The following MYH11 variants were observed in gnomAD, a reference collection of about 807,000 sequenced individuals.
MYH11 encodes myosin-11.
MYH11 carries 80 observed loss-of-function variants against 246.6 expected under a neutral mutation model. The ratio of observed to expected loss-of-function variants is 0.32; its 90% CI spans 0.27 to 0.39. The LOEUF is 0.39. MYH11 is among the 10% of genes least tolerant of loss of function. The probability of loss-of-function intolerance (pLI) is 1.00; values close to 1 mark genes in which losing one functional copy is unlikely to be tolerated. For synonymous variants in MYH11, 1,071 were observed against 1,015.5 expected (o/e 1.05, Z -1.04); for missense variants, 2,158 against 2,546.8 (o/e 0.85, Z 3.29).
chr16:15,769,795 AT>A (rs2042059061), intron 9 of MYH11, among the ~76,000 whole-genome samples: 1 of 152,144 alleles, frequency 6.6e-6, no homozygotes, highest in Non-Finnish European at 1.5e-5. Flanking sequence ...CCCTCTATTA[AT>A]CAACCTATTT....
rs372942424 is a variant in MYH11 at position 15,816,415 on chromosome 16, GA to G, written c.502+6839del. The stretch of plus-strand genomic sequence containing the variant: ...TAAATACATGGAAAACAAGATTGGG[GA>G]AAAAAAAGGCAATTGCTAACTCCAG... On this transcript the variant is annotated intron_variant, in intron 3 of 40. Coordinates refer to ENST00000300036, the MANE Select transcript of MYH11 (RefSeq NM_002474.3). 1.8e-3 allele frequency among the ~76,000 whole-genome samples: 269 copies of G among 150,910 alleles called. 1 individual carries two copies. Among genetic ancestry groups the G allele is most frequent in the East Asian group, 0.017 (85 of 5,146 alleles).
chr16:15,814,343 G>T (rs1039995436), intron 3 of MYH11, among the ~76,000 whole-genome samples: 2 of 151,384 alleles, frequency 1.3e-5, no homozygotes, highest in African/African-American at 4.9e-5. Context: ...ACCTAAGGTC[G>T]GGAGTTCAAG....
At chr16:15,747,310 G>T (rs1404630289) in intron 19 of MYH11, among the ~76,000 whole-genome samples, 1 of 152,160 alleles carries the variant, frequency 6.6e-6, no homozygotes, top group Non-Finnish European at 1.5e-5. Flanking sequence ...CAGAGAGGTA[G>T]AGTAACTTGC....
chr16:15,713,349 T>C (rs2039928478), intron 40 of MYH11: 1 of 151,736 alleles, frequency 6.6e-6, no homozygotes, highest in African/African-American at 2.4e-5. Flanking sequence ...TTGAGTTAAG[T>C]AGGAAGTAAG....
intron 3 of MYH11, among the ~76,000 whole-genome samples, chr16:15,798,917 G>A (rs1343581887): frequency 1.3e-4 from 20 of 152,144 alleles, no homozygotes; most frequent in Admixed American, 1.2e-3. Flanking sequence ...GCTGGAGCCT[G>A]ACTGATCCAG....
At chr16:15,852,575 G>A (rs2044358282) in intron 1 of MYH11, among the ~76,000 whole-genome samples, 1 of 152,038 alleles carries the variant, frequency 6.6e-6, no homozygotes, top group Non-Finnish European at 1.5e-5. Flanking sequence ...CTGACCTCAG[G>A]TGACCCACCT....
At chr16:15,795,303 T>TCAA (rs1387372283) in intron 4 of MYH11, among the ~76,000 whole-genome samples, 1 of 144,968 alleles carries the variant, frequency 6.9e-6, no homozygotes, top group Non-Finnish European at 1.5e-5. Flanking sequence ...AACAAAAAAA[T>TCAA]CAACAACAAC....
At chr16:15,757,781 C>A (rs368998632) in intron 13 of MYH11, 46 bp downstream of exon 13, 1 of 1,613,102 alleles carries the variant, frequency 6.2e-7, no homozygotes, top group Non-Finnish European at 8.5e-7. Context: ...AGGCCACACA[C>A]GTGTACAAGG....
chr16:15,704,193 C>G, intron 40 of MYH11, 70 bp from the exon 41 acceptor site: 4 of 1,584,360 alleles, frequency 2.5e-6, no homozygotes, highest in Non-Finnish European at 3.5e-6. Context: ...TTTTATAAAT[C>G]TATTTTAAAC....
At chr16:15,847,313 T>C (rs2044218555) in intron 1 of MYH11, among the ~76,000 whole-genome samples, 1 of 147,678 alleles carries the variant, frequency 6.8e-6, no homozygotes. Context: ...TGCAGTGGCA[T>C]GACCTCAGCT....
At chr16:15,730,778 A>G (rs1292517700) in intron 27 of MYH11, among the ~76,000 whole-genome samples, 1 of 152,166 alleles carries the variant, frequency 6.6e-6, no homozygotes, top group Non-Finnish European at 1.5e-5. Flanking sequence ...TCGCAAGCTA[A>G]AAAACTTACC....
intron 34 of MYH11, 135 bp from the exon 35 acceptor site, chr16:15,719,848 G>T: frequency 7.6e-7 from 1 of 1,317,424 alleles, no homozygotes; most frequent in Non-Finnish European, 1.1e-6. Context: ...CACGAGCATG[G>T]CTCTCAGTTC....
At chr16:15,817,956 C>T (rs1470196255) in intron 3 of MYH11, among the ~76,000 whole-genome samples, 1 of 152,208 alleles carries the variant, frequency 6.6e-6, no homozygotes, top group East Asian at 1.9e-4. Context: ...ATAAATAACT[C>T]TAATAATTCA....
chr16:15,834,046 T>G (rs2151377680), intron 2 of MYH11, among the ~76,000 whole-genome samples: 1 of 152,312 alleles, frequency 6.6e-6, no homozygotes, highest in Non-Finnish European at 1.5e-5. Context: ...CAGAAGATAT[T>G]TTGGGTCTCA....
At chr16:15,807,590 G>A (rs2043042617) in intron 3 of MYH11, among the ~76,000 whole-genome samples, 1 of 152,096 alleles carries the variant, frequency 6.6e-6, no homozygotes, top group Admixed American at 6.5e-5. Context: ...AGTGGGCGGG[G>A]ACACAGTACC....
rs2041457179 is a variant in MYH11 at position 15,747,727 on chromosome 16, T to C, written c.2254A>G (p.Lys752Glu). ...DGKQACILMI[K>E]ALELDPNLYR... ...AAGTTGGGGTCAAGTTCCAGGGCTT[T>C]GATCTGCAAAAGGAAGGAAAGGAAG... is the stretch of plus-strand genomic sequence containing the variant. Residue 752 changes from lysine (K) to glutamate (E), a missense_variant, in exon 19 of 41, where the codon AAA becomes GAA. Coordinates refer to ENST00000300036, the MANE Select transcript of MYH11 (RefSeq NM_002474.3). The C allele has an allele frequency of 6.2e-7, 1 of 1,614,010 alleles. No individual in the cohort carries two copies. The highest frequency in any genetic ancestry group is 1.7e-5 in the Admixed American group (1 of 59,994).
rs768381393 is a variant in MYH11, at chr16:15,837,917, C to T, written c.336G>A (p.Gly112=). Residue 112 remains glycine (G), a synonymous_variant, in exon 2 of 41, where the codon GGG becomes GGA. Coordinates refer to ENST00000300036, the MANE Select transcript of MYH11 (RefSeq NM_002474.3). ...LHNLRERYFS[G]LIYTYSGLFC... Reference sequence around the variant, plus strand: ...TGCCTGCAATACTCACATATATTAGCCCTGAGAAGTACCGCTCCCTCAGGT... The same window carrying T: ...TGCCTGCAATACTCACATATATTAGTCCTGAGAAGTACCGCTCCCTCAGGT... 1 of 1,613,522 alleles carries T rather than the reference C, an allele frequency of 6.2e-7. No individual in the cohort carries two copies. Among genetic ancestry groups the T allele is most frequent in the Non-Finnish European group, 8.5e-7 (1 of 1,179,514 alleles).
At position 15,747,983 on chromosome 16, in the gene MYH11, C is replaced by T. The variant is rs777932038; in HGVS notation, c.2181-40G>A. The T allele has an allele frequency of 1.4e-5, 22 of 1,614,068 alleles. No individual in the cohort carries two copies. The Admixed American group carries it at 3.5e-4, about 26-fold the overall frequency. On this transcript the variant is annotated intron_variant, in intron 17 of 40. Transcript: ENST00000300036. ...CAGAAGTCACCCCGGGTACCTCCAG[C>T]ATCCATTCCTCCACCCAGTCCCGCT...
intron 1 of MYH11, among the ~76,000 whole-genome samples, chr16:15,846,706 C>T (rs2044199058): frequency 6.6e-6 from 1 of 152,176 alleles, no homozygotes; most frequent in South Asian, 2.1e-4. Context: ...TTTTAATTAC[C>T]TGTGTGGAAG....
Sources: allele counts gnomAD v4.1 joint callset (sites outside exome capture counted in the v4.1 genomes callset), GRCh38; gene constraint gnomAD v4.1.1; transcripts MANE v1.5; gene names NCBI Gene and HGNC (gene_info 2026-07-23, HGNC 2026-07-21).